Variants in SEMA3E observed in about 807,000 individuals in gnomAD.
SEMA3E encodes the protein semaphorin 3E, also known as semaphorin-3E.
A neutral mutation model predicts 93.6 loss-of-function variants in SEMA3E; 49 were observed. The ratio of observed to expected loss-of-function variants is 0.52; its 90% CI spans 0.42 to 0.66. SEMA3E has a LOEUF of 0.66. Ranked by LOEUF, SEMA3E falls within the 30% of genes least tolerant of loss-of-function variation. The pLI, the probability that SEMA3E is intolerant of heterozygous loss-of-function variation, is 0.00. For missense variants in SEMA3E, 906 were observed against 964.8 expected (o/e 0.94, Z 0.81); for synonymous variants, 363 against 330.7 (o/e 1.10, Z -1.06).
chr7:83,371,263 T>C (rs928856455), intron 16 of SEMA3E, among the ~76,000 whole-genome samples: 1 of 152,152 alleles, frequency 6.6e-6, no homozygotes, highest in Non-Finnish European at 1.5e-5. Context: ...TAATGATAAG[T>C]TACAGCGAAA....
At chr7:83,568,937 G>A (rs957778712) in intron 1 of SEMA3E, among the ~76,000 whole-genome samples, 1 of 151,964 alleles carries the variant, frequency 6.6e-6, no homozygotes, top group East Asian at 1.9e-4. Context: ...AGGAAGTCAC[G>A]TTATTCTTCT....
intron 16 of SEMA3E, among the ~76,000 whole-genome samples, chr7:83,373,835 T>C (rs1472543321): frequency 2.0e-5 from 3 of 152,072 alleles, no homozygotes; most frequent in Non-Finnish European, 4.4e-5. Flanking sequence ...AGCATATAAA[T>C]GGGCACTTCA....
intron 1 of SEMA3E, among the ~76,000 whole-genome samples, chr7:83,590,328 G>A (rs1792732171): frequency 2.0e-5 from 3 of 151,924 alleles, no homozygotes; most frequent in African/African-American, 7.3e-5. Flanking sequence ...ATTTAATGTA[G>A]GTTTTCTTCA....
intron 4 of SEMA3E, among the ~76,000 whole-genome samples, chr7:83,465,604 A>C (rs928995935): frequency 1.4e-4 from 21 of 152,176 alleles, no homozygotes; most frequent in Admixed American, 1.1e-3. Context: ...CCACTGCTGC[A>C]CTTTCATAAA....
chr7:83,549,279 A>T (rs759134091), intron 1 of SEMA3E, among the ~76,000 whole-genome samples: 1 of 152,078 alleles, frequency 6.6e-6, no homozygotes, highest in Non-Finnish European at 1.5e-5. Context: ...CACTACTCTT[A>T]TCTCTATTCA....
At chr7:83,445,031 T>C (rs1457075308) in intron 4 of SEMA3E, among the ~76,000 whole-genome samples, 1 of 152,014 alleles carries the variant, frequency 6.6e-6, no homozygotes, top group Non-Finnish European at 1.5e-5. Flanking sequence ...AAAGCTTCTA[T>C]TTGAAAATTA....
chr7:83,390,446 A>G (rs1011419264), intron 14 of SEMA3E, among the ~76,000 whole-genome samples: 5 of 152,114 alleles, frequency 3.3e-5, no homozygotes, highest in African/African-American at 1.2e-4. Context: ...AAAAGATTCT[A>G]GCATTATAAA....
intron 4 of SEMA3E, among the ~76,000 whole-genome samples, chr7:83,464,789 C>T (rs1356506522): frequency 2.1e-5 from 3 of 141,480 alleles, no homozygotes; most frequent in Middle Eastern, 3.5e-3. Flanking sequence ...ATCTCTCCCA[C>T]TCTAGGTTCC....
chr7:83,406,181 G>T (rs1584226201), intron 7 of SEMA3E, 122 bp from the exon 8 acceptor site: 2 of 761,370 alleles, frequency 2.6e-6, no homozygotes, highest in East Asian at 2.7e-5. Flanking sequence ...GGAAAATTTG[G>T]CATAATTCTC....
chr7:83,387,016 C>T lies in SEMA3E; in HGVS notation c.1702G>A (p.Ala568Thr). The stretch of plus-strand genomic sequence containing the variant: ...TGTTGTCCAAAGCACTGCTGAGCTG[C>T]ATTTCCATGTCGAACATCTTGTCTC... The part of the protein sequence containing the change: ...FRRQDVRHGN[A>T]AQQCFGQQFV... Residue 568 changes from alanine to threonine, a missense_variant, in exon 15 of 17, where the codon GCA becomes ACA. Coordinates refer to ENST00000643230, the MANE Select transcript of SEMA3E (RefSeq NM_012431.3). The T allele has an allele frequency of 6.2e-7, 1 of 1,613,324 alleles. No homozygotes were observed. The highest frequency in any genetic ancestry group is 8.5e-7 in the Non-Finnish European group (1 of 1,179,618).
chr7:83,615,655 A>T (rs1793349891), intron 1 of SEMA3E, among the ~76,000 whole-genome samples: 1 of 152,120 alleles, frequency 6.6e-6, no homozygotes, highest in Admixed American at 6.6e-5. Flanking sequence ...TTTTTACTAC[A>T]GTTGGAAGGG....
At chr7:83,639,109 T>TTAAAAAAA (rs1562865948) in intron 1 of SEMA3E, among the ~76,000 whole-genome samples, 1 of 15,594 alleles carries the variant, frequency 6.4e-5, no homozygotes, top group Non-Finnish European at 1.1e-4. Context: ...AGACTCCGTC[T>TTAAAAAAA]CAAAAAAAAA....
intron 4 of SEMA3E, among the ~76,000 whole-genome samples, chr7:83,456,622 A>ATTTATTTATTTATTTATTTATTTAT (rs10667838): frequency 3.4e-4 from 49 of 145,626 alleles, no homozygotes; most frequent in South Asian, 8.8e-4. Context: ...TTATTTATTT[A>ATTTATTTATTTATTTATTTATTTAT]TTATTTTTGA....
intron 16 of SEMA3E, among the ~76,000 whole-genome samples, chr7:83,368,380 A>T (rs1726206762): frequency 1.3e-5 from 2 of 152,296 alleles, no homozygotes; most frequent in Admixed American, 1.3e-4. Flanking sequence ...TAGCAGTCAC[A>T]GTAAGAGTGA....
At chr7:83,505,106 T>C (rs1320907654) in intron 1 of SEMA3E, among the ~76,000 whole-genome samples, 1 of 152,202 alleles carries the variant, frequency 6.6e-6, no homozygotes, top group Non-Finnish European at 1.5e-5. Flanking sequence ...TTACAGATAT[T>C]TCCCATATTT....
intron 1 of SEMA3E, among the ~76,000 whole-genome samples, chr7:83,554,537 G>GTT (rs5885365): frequency 1.3e-5 from 2 of 151,688 alleles, no homozygotes; most frequent in African/African-American, 4.8e-5. Context: ...GATAGGGGCA[G>GTT]TTTTTTTTAA....
At chr7:83,503,649 T>C (rs926788504) in intron 1 of SEMA3E, among the ~76,000 whole-genome samples, 2 of 152,228 alleles carry the variant, frequency 1.3e-5, no homozygotes, top group Admixed American at 1.3e-4. Context: ...ATATGGCCTA[T>C]GTATCCTAGG....
chr7:83,628,830 G>T (rs1793727405), intron 1 of SEMA3E, among the ~76,000 whole-genome samples: 1 of 151,872 alleles, frequency 6.6e-6, no homozygotes, highest in South Asian at 2.1e-4. Context: ...TCCCTTGCTG[G>T]CGAGGAGTTG....
intron 1 of SEMA3E, among the ~76,000 whole-genome samples, chr7:83,517,978 A>G (rs1056982673): frequency 6.6e-6 from 1 of 152,188 alleles, no homozygotes; most frequent in African/African-American, 2.4e-5. Context: ...AACAGAGTTA[A>G]TTCCATTAAG....
Sources: gnomAD v4.1 joint callset for allele counts (sites outside exome capture counted in the v4.1 genomes callset) on GRCh38, gnomAD v4.1.1 for gene constraint, MANE v1.5 for transcripts, NCBI Gene and HGNC (gene_info 2026-07-23, HGNC 2026-07-21) for gene names.